Variants in ZNF804B observed in about 807,000 individuals in gnomAD.
ZNF804B encodes zinc finger protein 804B, also known as zinc finger 804B.
In ZNF804B, 80 loss-of-function variants were observed where a neutral mutation model predicts 101.4. That is an observed-to-expected ratio of 0.79 (90% CI 0.66 to 0.95). The LOEUF (loss-of-function observed/expected upper bound fraction) is 0.95. ZNF804B is among the 40% of genes least tolerant of loss of function. The pLI, the probability that ZNF804B is intolerant of heterozygous loss-of-function variation, is 0.00. For missense variants in ZNF804B, 1,673 were observed against 1,561.9 expected (o/e 1.07, Z -1.20); for synonymous variants, 622 against 558.8 (o/e 1.11, Z -1.59).
chr7:89,111,625 A>G (rs570087655), intron 1 of ZNF804B, among the ~76,000 whole-genome samples: 3 of 152,240 alleles, frequency 2.0e-5, no homozygotes, highest in African/African-American at 4.8e-5. Flanking sequence ...GTCTTATCAC[A>G]TATGTGTTTT....
chr7:89,040,257 C>A (rs980540217), intron 1 of ZNF804B, among the ~76,000 whole-genome samples: 2 of 150,864 alleles, frequency 1.3e-5, no homozygotes, highest in Non-Finnish European at 3.0e-5. Context: ...CTTTTTTATC[C>A]TTTACTCTTT....
chr7:89,303,525 C>T (rs1790515501), intron 2 of ZNF804B, among the ~76,000 whole-genome samples: 2 of 151,892 alleles, frequency 1.3e-5, no homozygotes, highest in Non-Finnish European at 2.9e-5. Context: ...AAATTAATTG[C>T]TACTTGTATA....
chr7:88,989,225 T>G (rs536255438), intron 1 of ZNF804B, among the ~76,000 whole-genome samples: 1 of 152,088 alleles, frequency 6.6e-6, no homozygotes, highest in Non-Finnish European at 1.5e-5. Flanking sequence ...CTTGATCTCC[T>G]GACCTCGTGA....
At chr7:88,909,627 G>A (rs1792520056) in intron 1 of ZNF804B, among the ~76,000 whole-genome samples, 1 of 151,746 alleles carries the variant, frequency 6.6e-6, no homozygotes, top group South Asian at 2.1e-4. Context: ...TCTAATTCAG[G>A]AGATTTTATG....
At chr7:89,016,619 C>G (rs74940676) in intron 1 of ZNF804B, among the ~76,000 whole-genome samples, 107,204 of 146,436 alleles carry the variant, frequency 0.73, 40,001 homozygotes, top group African/African-American at 0.87. Context: ...GCTTGTTTTT[C>G]TCAGGTTTGT....
At chr7:88,962,608 G>T (rs1437984842) in intron 1 of ZNF804B, among the ~76,000 whole-genome samples, 1 of 149,208 alleles carries the variant, frequency 6.7e-6, no homozygotes, top group Non-Finnish European at 1.5e-5. Flanking sequence ...CCATGTTTTT[G>T]GAAATTTATT....
intron 1 of ZNF804B, among the ~76,000 whole-genome samples, chr7:89,178,709 A>G (rs1788244117): frequency 6.6e-6 from 1 of 152,132 alleles, no homozygotes; most frequent in Admixed American, 6.5e-5. Context: ...AGATACCACA[A>G]TTACGGTGTT....
At chr7:89,222,208 C>T (rs960956350) in intron 2 of ZNF804B, among the ~76,000 whole-genome samples, 11 of 151,918 alleles carry the variant, frequency 7.2e-5, no homozygotes, top group African/African-American at 2.7e-4. Context: ...CTGCTTAAGG[C>T]CATCATCACT....
intron 1 of ZNF804B, among the ~76,000 whole-genome samples, chr7:89,194,144 A>T (rs1428994407): frequency 1.3e-5 from 2 of 151,850 alleles, no homozygotes; most frequent in Admixed American, 6.6e-5. Flanking sequence ...TCCTTTGCCC[A>T]CTTTTTGATG....
intron 1 of ZNF804B, among the ~76,000 whole-genome samples, chr7:89,110,737 G>T (rs1162566306): frequency 6.6e-6 from 1 of 151,886 alleles, no homozygotes; most frequent in Non-Finnish European, 1.5e-5. Flanking sequence ...GTTTACATCG[G>T]GTTTCAGTCT....
intron 1 of ZNF804B, among the ~76,000 whole-genome samples, chr7:89,096,872 A>G (rs917738839): frequency 5.3e-5 from 8 of 152,222 alleles, no homozygotes; most frequent in Admixed American, 2.0e-4. Context: ...AAATTATGCA[A>G]TGAAACTGGC....
chr7:89,090,056 G>C (rs1789859724), intron 1 of ZNF804B, among the ~76,000 whole-genome samples: 1 of 152,018 alleles, frequency 6.6e-6, no homozygotes, highest in African/African-American at 2.4e-5. Context: ...AACACAATAG[G>C]AAAATAAGCA....
chr7:89,147,873 G>C (rs1044235966), intron 1 of ZNF804B, among the ~76,000 whole-genome samples: 12 of 151,620 alleles, frequency 7.9e-5, no homozygotes, highest in Admixed American at 7.9e-4. Flanking sequence ...AGGAAAACAC[G>C]CTCAGGGCTC....
At chr7:89,316,651 T>G (rs187157232) in intron 2 of ZNF804B, among the ~76,000 whole-genome samples, 13 of 152,272 alleles carry the variant, frequency 8.5e-5, no homozygotes, top group Admixed American at 4.6e-4. Context: ...AAAACCTAAA[T>G]TTTGTAAAGA....
chr7:89,269,751 C>A (rs1789854731), intron 2 of ZNF804B, among the ~76,000 whole-genome samples: 1 of 152,150 alleles, frequency 6.6e-6, no homozygotes. Context: ...GTAATGATCA[C>A]CATTCTAACT....
intron 1 of ZNF804B, among the ~76,000 whole-genome samples, chr7:88,783,832 A>T (rs1240866581): frequency 1.3e-5 from 2 of 152,112 alleles, no homozygotes; most frequent in African/African-American, 2.4e-5. Context: ...AGTTGGAAAA[A>T]TTTCCAAGGC....
chr7:89,317,905 A>AT (rs1035430561), intron 2 of ZNF804B, among the ~76,000 whole-genome samples: 17 of 152,128 alleles, frequency 1.1e-4, no homozygotes, highest in Admixed American at 5.2e-4. Flanking sequence ...GATGCAACAT[A>AT]TTTTTTTTCC....
chr7:89,307,104 A>G (rs1196457284), intron 2 of ZNF804B, among the ~76,000 whole-genome samples: 1 of 152,028 alleles, frequency 6.6e-6, no homozygotes, highest in Non-Finnish European at 1.5e-5. Context: ...TAGTTTAATG[A>G]GAGAAAAACA....
intron 3 of ZNF804B, among the ~76,000 whole-genome samples, chr7:89,328,565 T>G (rs1036907638): frequency 6.6e-6 from 1 of 151,712 alleles, no homozygotes; most frequent in African/African-American, 2.4e-5. Flanking sequence ...GCCAACACAA[T>G]GAGGGACTTA....
Sources: gnomAD v4.1 joint callset for allele counts (sites outside exome capture counted in the v4.1 genomes callset) on GRCh38, gnomAD v4.1.1 for gene constraint, MANE v1.5 for transcripts, NCBI Gene and HGNC (gene_info 2026-07-23, HGNC 2026-07-21) for gene names.